Variants in PPP1R16B observed in about 807,000 individuals in gnomAD.
PPP1R16B encodes protein phosphatase 1 regulatory inhibitor subunit 16B.
Under a neutral mutation model 61.7 loss-of-function variants are expected in PPP1R16B, and 14 were observed. The observed-to-expected ratio is 0.23, with a 90% CI of 0.15 to 0.35. The LOEUF is 0.35. PPP1R16B is among the 10% of genes least tolerant of loss of function. The pLI is 1.00. For missense variants in PPP1R16B, 547 were observed against 752.5 expected, an observed-to-expected ratio of 0.73 and a Z score of 3.19; for synonymous variants, 266 against 305.3, an observed-to-expected ratio of 0.87 and a Z score of 1.34.
chr20:38,898,119 G>C (rs1235298841), intron 4 of PPP1R16B, among the ~76,000 whole-genome samples: 1 of 152,124 alleles, frequency 6.6e-6, no homozygotes, highest in African/African-American at 2.4e-5. Context: ...ATAGTTTTAG[G>C]TCTTTCATTT....
intron 1 of PPP1R16B, among the ~76,000 whole-genome samples, chr20:38,831,428 A>G (rs1440640683): frequency 6.6e-6 from 1 of 152,076 alleles, no homozygotes; most frequent in Non-Finnish European, 1.5e-5. Context: ...TGTTGGGGAG[A>G]CTCACAGGCT....
rs1193541489 is a variant in PPP1R16B at position 38,921,345 on chromosome 20, T to A, written c.*2679T>A. 6.6e-6 allele frequency: 1 copy of A among 152,220 alleles called. No homozygotes were observed. The highest frequency in any genetic ancestry group is 2.4e-5 in the African/African-American group (1 of 41,458). 9.4% of individuals were successfully genotyped at this position (152,220 alleles called of 1,614,324 possible). On this transcript the variant is annotated 3_prime_UTR_variant, in exon 11 of 11. Coordinates refer to ENST00000299824, the MANE Select transcript of PPP1R16B (RefSeq NM_015568.4). ...CGTAATTTACTGAGTAGCTGCAACA[T>A]GCCAGCCTCTACGTTAGGTTCTGCG...
chr20:38,844,263 C>T (rs2084924667), intron 2 of PPP1R16B, among the ~76,000 whole-genome samples: 1 of 152,166 alleles, frequency 6.6e-6, no homozygotes, highest in Admixed American at 6.5e-5. Flanking sequence ...TATTCAGGTA[C>T]TGGGAAACTG....
rs2084865686 is a variant in PPP1R16B at position 38,835,854 on chromosome 20, A to G, written c.-72A>G. ...CACCATGAGGCCCCAGCCCCACCAG[A>G]GGCCCCGCGCTGCCCTGGCCCCCGG... On this transcript the variant is annotated 5_prime_UTR_variant, in exon 2 of 11. Transcript: ENST00000299824. The G allele has an allele frequency of 3.5e-6, 5 of 1,441,894 alleles. No homozygotes were observed. The highest frequency in any genetic ancestry group is 4.5e-6 in the Non-Finnish European group (5 of 1,099,112). The allele number at this position is 1,441,894 out of a possible 1,614,324, so 89.3% of individuals were successfully genotyped here.
intron 1 of PPP1R16B, among the ~76,000 whole-genome samples, chr20:38,830,381 C>T (rs1383469770): frequency 3.3e-5 from 5 of 152,158 alleles, no homozygotes; most frequent in Non-Finnish European, 7.4e-5. Context: ...GATGGGTTTC[C>T]CAAATATCAG....
At chr20:38,885,550 G>A (rs1207016810) in intron 2 of PPP1R16B, among the ~76,000 whole-genome samples, 1 of 152,198 alleles carries the variant, frequency 6.6e-6, no homozygotes, top group Non-Finnish European at 1.5e-5. Context: ...TTAGGGCAGA[G>A]TAGAATGGTC....
At chr20:38,838,724 A>G (rs1035077540) in intron 2 of PPP1R16B, among the ~76,000 whole-genome samples, 1 of 152,086 alleles carries the variant, frequency 6.6e-6, no homozygotes, top group South Asian at 2.1e-4. Flanking sequence ...ACAAAGCCCC[A>G]TTGCCCCTCC....
intron 2 of PPP1R16B, among the ~76,000 whole-genome samples, chr20:38,867,795 C>T (rs1321957956): frequency 3.3e-5 from 5 of 152,122 alleles, no homozygotes; most frequent in African/African-American, 1.2e-4. Context: ...ACCTCAGCCT[C>T]CCGAGTAGCT....
intron 3 of PPP1R16B, among the ~76,000 whole-genome samples, chr20:38,895,345 A>G (rs140536087): frequency 3.9e-4 from 59 of 150,814 alleles, no homozygotes; most frequent in African/African-American, 1.2e-3. Flanking sequence ...ACATATTATT[A>G]ACTTCATTTT....
chr20:38,908,681 TC>T (rs2085465944), intron 10 of PPP1R16B, among the ~76,000 whole-genome samples: 1 of 152,262 alleles, frequency 6.6e-6, no homozygotes, highest in South Asian at 2.1e-4. Context: ...AGAAGCCTGC[TC>T]CTGTAGCAGC....
chr20:38,918,479 T>C lies in PPP1R16B; in HGVS notation c.1517T>C (p.Met506Thr), dbSNP rs1435700402. ...PFLSTHLGSS[M>T]ARTGESSSEG... ...CTTAGCACACACCTGGGCAGCAGCATGGCCAGGACGGGCGAGAGTAGCAGT... is the reference window on the plus strand; with the variant it reads ...CTTAGCACACACCTGGGCAGCAGCACGGCCAGGACGGGCGAGAGTAGCAGT... Residue 506 changes from methionine to threonine, a missense_variant, in exon 11 of 11, where the codon ATG becomes ACG. By Grantham distance (81) the Met-to-Thr change is moderately conservative. Coordinates refer to ENST00000299824, the MANE Select transcript of PPP1R16B (RefSeq NM_015568.4). The surrounding 1 kb of genome is among the most constrained non-coding windows in gnomAD (Gnocchi z 5.3). 6.2e-7 allele frequency: 1 copy of C among 1,612,986 alleles called. No homozygotes were observed. The highest frequency in any genetic ancestry group is 1.7e-5 in the Admixed American group (1 of 59,940).
chr20:38,915,067 C>G (rs545007998), intron 10 of PPP1R16B, among the ~76,000 whole-genome samples: 4 of 152,258 alleles, frequency 2.6e-5, no homozygotes, highest in South Asian at 2.1e-4. Context: ...CATATACACC[C>G]CCCTCCACCC....
chr20:38,846,687 C>T lies in PPP1R16B; in HGVS notation c.250+10512C>T, dbSNP rs529681087. 8.5e-5 allele frequency among the ~76,000 whole-genome samples: 13 copies of T among 152,154 alleles called. No individual in the cohort carries two copies. The South Asian group carries it at 2.1e-3, about 24-fold the overall frequency. ...CAATTTTTGCTACTATAAATTATGC[C>T]GTGGTGAATATCAATGTATAAAAGT... On this transcript the variant is annotated intron_variant, in intron 2 of 10. Transcript: ENST00000299824.
intron 2 of PPP1R16B, 27 bp from the exon 3 acceptor site, chr20:38,889,568 G>A (rs369565615): frequency 3.2e-4 from 498 of 1,538,334 alleles, no homozygotes; most frequent in Non-Finnish European, 4.3e-4. Context: ...GCAACGGGAA[G>A]CTCACTCCTG....
At chr20:38,852,597 A>C (rs1170976654) in intron 2 of PPP1R16B, among the ~76,000 whole-genome samples, 1 of 152,118 alleles carries the variant, frequency 6.6e-6, no homozygotes, top group Non-Finnish European at 1.5e-5. Flanking sequence ...GGTGCTAATA[A>C]GGAGGTGTAT....
chr20:38,843,289 A>C (rs1239176016), intron 2 of PPP1R16B, among the ~76,000 whole-genome samples: 1 of 152,276 alleles, frequency 6.6e-6, no homozygotes, highest in Non-Finnish European at 1.5e-5. Context: ...GCTTAAAACA[A>C]TAAACATATA....
intron 5 of PPP1R16B, among the ~76,000 whole-genome samples, chr20:38,902,438 C>A (rs2085402094): frequency 1.3e-5 from 2 of 152,188 alleles, no homozygotes; most frequent in Admixed American, 1.3e-4. Flanking sequence ...TGCAAAGTGA[C>A]CAATATGAAT....
chr20:38,901,566 T>C (rs766596748), intron 5 of PPP1R16B, among the ~76,000 whole-genome samples: 3 of 152,142 alleles, frequency 2.0e-5, no homozygotes, highest in Non-Finnish European at 4.4e-5. Context: ...TGCACCACCA[T>C]GCCCAGCTAA....
intron 1 of PPP1R16B, among the ~76,000 whole-genome samples, chr20:38,810,454 C>T (rs976364655): frequency 2.6e-5 from 4 of 152,230 alleles, no homozygotes; most frequent in African/African-American, 9.6e-5. Context: ...GGAGGAAGGG[C>T]TGGTCTCTGC....
Sources: gnomAD v4.1 joint callset for allele counts (sites outside exome capture counted in the v4.1 genomes callset) on GRCh38, gnomAD v4.1.1 for gene constraint, Gnocchi (gnomAD v3.1) non-coding constraint, MANE v1.5 for transcripts, NCBI Gene and HGNC (gene_info 2026-07-23, HGNC 2026-07-21) for gene names.